The following CEACAM8 variants were observed in gnomAD, a reference collection of about 807,000 sequenced individuals.
CEACAM8 encodes cell adhesion molecule CEACAM8.
In CEACAM8, 31 loss-of-function variants were observed where a neutral mutation model predicts 33.4. That is an observed-to-expected ratio of 0.93 (90% CI 0.70 to 1.25). The LOEUF is 1.25. Among genes scored for constraint, CEACAM8 ranks in the 50% most tolerant of loss-of-function variants. The pLI is 0.00. For missense variants in CEACAM8, 388 were observed against 434.6 expected, an observed-to-expected ratio of 0.89 and a Z score of 0.95; for synonymous variants, 138 against 164.5, an observed-to-expected ratio of 0.84 and a Z score of 1.23.
Position 42,594,904 on chromosome 19 carries a change from C to T in CEACAM8, c.-76G>A. 1.4e-6 allele frequency: 2 copies of T among 1,481,224 alleles called. No individual in the cohort carries two copies. Among genetic ancestry groups the T allele is most frequent in the South Asian group, 1.2e-5 (1 of 80,906 alleles). 91.8% of individuals were successfully genotyped at this position (1,481,224 alleles called of 1,614,324 possible). ...GAAACTTTCTGAGCACGGCTGTCAGCTGTGCTGTCCTTCCTCCTTTTGTGC... is the reference window on the plus strand; with the variant it reads ...GAAACTTTCTGAGCACGGCTGTCAGTTGTGCTGTCCTTCCTCCTTTTGTGC... On this transcript the variant is annotated 5_prime_UTR_variant, in exon 1 of 6. Coordinates refer to ENST00000244336, the MANE Select transcript of CEACAM8 (RefSeq NM_001816.4).
At chr19:42,581,945 A>ATATATATG (rs1335031152) in intron 5 of CEACAM8, among the ~76,000 whole-genome samples, 1 of 131,240 alleles carries the variant, frequency 7.6e-6, no homozygotes, top group Non-Finnish European at 1.6e-5. Context: ...ATATATATAT[A>ATATATATG]TAAAATAAGG....
At chr19:42,585,862 T>G (rs1337733179) in intron 4 of CEACAM8, among the ~76,000 whole-genome samples, 2 of 152,106 alleles carry the variant, frequency 1.3e-5, no homozygotes, top group Non-Finnish European at 2.9e-5. Flanking sequence ...GAAAAAAACC[T>G]GTTAGAATTT....
chr19:42,594,220 G>T (rs141336665), intron 1 of CEACAM8, among the ~76,000 whole-genome samples: 304 of 152,270 alleles, frequency 2.0e-3, no homozygotes, highest in Middle Eastern at 0.014. Context: ...ACCTTTCCCT[G>T]CTGTGTTCCT....
rs756457917 is a variant in CEACAM8, at chr19:42,593,595, C to T, written c.370G>A (p.Val124Ile). Reference sequence around the variant, plus strand: ...TCACTCATAAGATTTAGCTTTATGACTTGTAGGGTGTAGGATCCTGTGTCA... The same window carrying T: ...TCACTCATAAGATTTAGCTTTATGATTTGTAGGGTGTAGGATCCTGTGTCA... ...RNDTGSYTLQ[V>I]IKLNLMSEEV... The change falls in exon 2 of 6, where the codon GTC (valine) becomes ATC (isoleucine). Residue 124 changes from valine to isoleucine, a missense_variant. Coordinates refer to ENST00000244336, the MANE Select transcript of CEACAM8 (RefSeq NM_001816.4). 1 of 1,606,510 alleles carries T rather than the reference C, an allele frequency of 6.2e-7. No individual in the cohort carries two copies. The highest frequency in any genetic ancestry group is 8.5e-7 in the Non-Finnish European group (1 of 1,175,812).
intron 4 of CEACAM8, among the ~76,000 whole-genome samples, chr19:42,583,602 T>C (rs2042288725): frequency 6.6e-6 from 1 of 152,244 alleles, no homozygotes; most frequent in Admixed American, 6.5e-5. Context: ...GGCTTTGTGA[T>C]GTGAAAAAGC....
chr19:42,581,944 T>TATATATAC (rs2042267891), intron 5 of CEACAM8, among the ~76,000 whole-genome samples: 1 of 101,068 alleles, frequency 9.9e-6, no homozygotes, highest in East Asian at 2.7e-4. Context: ...TATATATATA[T>TATATATAC]ATAAAATAAG....
chr19:42,582,655 T>A (rs1310845754), intron 5 of CEACAM8, among the ~76,000 whole-genome samples: 1 of 152,002 alleles, frequency 6.6e-6, no homozygotes, highest in African/African-American at 2.4e-5. Flanking sequence ...GTATATGGGG[T>A]AGATGCGCAG....
At chr19:42,586,254 T>C (rs45594936) in intron 4 of CEACAM8, among the ~76,000 whole-genome samples, 1 of 152,040 alleles carries the variant, frequency 6.6e-6, no homozygotes, top group Non-Finnish European at 1.5e-5. Flanking sequence ...CTAAAGTTCA[T>C]ATGGAATTTC....
chr19:42,587,674 G>T (rs1233199989), intron 4 of CEACAM8, among the ~76,000 whole-genome samples: 1 of 152,160 alleles, frequency 6.6e-6, no homozygotes, highest in Non-Finnish European at 1.5e-5. Context: ...AATGGATGGT[G>T]GTGATGGTTA....
intron 4 of CEACAM8, among the ~76,000 whole-genome samples, chr19:42,583,907 A>T (rs892565230): frequency 7.2e-5 from 11 of 152,206 alleles, no homozygotes; most frequent in Admixed American, 3.9e-4. Flanking sequence ...ACTGCTATCT[A>T]AAACTTCTTT....
intron 4 of CEACAM8, among the ~76,000 whole-genome samples, chr19:42,586,523 T>C (rs1275669871): frequency 1.3e-5 from 2 of 152,194 alleles, no homozygotes; most frequent in African/African-American, 4.8e-5. Flanking sequence ...TTGGGAAAGC[T>C]GGAAATCCAT....
rs1283349983 is a variant in CEACAM8, at chr19:42,583,264, G to T, written c.1032C>A (p.Ala344=). ...AGAGCTACTATATCAGAGCCACCCT[G>T]GCCAGTACTCCAATCATGATGCTGA... ...ATVSIMIGVL[A]RVALI Residue 344 remains alanine, a synonymous_variant, in exon 5 of 6, where the codon GCC becomes GCA. Transcript: ENST00000244336. 6.2e-7 allele frequency: 1 copy of T among 1,611,210 alleles called. No homozygotes were observed. Among genetic ancestry groups the T allele is most frequent in the Non-Finnish European group, 8.5e-7 (1 of 1,177,600 alleles).
intron 4 of CEACAM8, among the ~76,000 whole-genome samples, chr19:42,586,430 G>C (rs1385857090): frequency 6.6e-6 from 1 of 152,210 alleles, no homozygotes; most frequent in African/African-American, 2.4e-5. Context: ...AGAAAGGAAT[G>C]CTTGCATATA....
chr19:42,587,951 T>C (rs771675235), intron 4 of CEACAM8, among the ~76,000 whole-genome samples: 1 of 152,234 alleles, frequency 6.6e-6, no homozygotes, highest in Non-Finnish European at 1.5e-5. Flanking sequence ...TGAGCCGAGA[T>C]AGTGCCATTG....
intron 4 of CEACAM8, among the ~76,000 whole-genome samples, chr19:42,586,093 G>A (rs530102057): frequency 1.8e-4 from 28 of 152,126 alleles, no homozygotes; most frequent in Middle Eastern, 6.8e-3. Flanking sequence ...AATTAAATAC[G>A]ACCTCAAAAA....
chr19:42,583,984 C>A (rs34786088), intron 4 of CEACAM8, among the ~76,000 whole-genome samples: 6,405 of 152,262 alleles, frequency 0.042, 221 homozygotes, highest in African/African-American at 0.089. Flanking sequence ...TCCTCTCACA[C>A]CTGCCCCATT....
chr19:42,590,468 C>CG (rs903830547), intron 2 of CEACAM8, among the ~76,000 whole-genome samples: 1 of 152,158 alleles, frequency 6.6e-6, no homozygotes. Flanking sequence ...TCTTTCCCTG[C>CG]GGGGGGCAGA....
intron 2 of CEACAM8, among the ~76,000 whole-genome samples, chr19:42,592,035 G>C (rs1240822561): frequency 6.6e-6 from 1 of 152,194 alleles, no homozygotes; most frequent in Admixed American, 6.5e-5. Flanking sequence ...GACAGTTGGG[G>C]CAGGTGATTT....
chr19:42,588,221 C>T (rs1210602686), intron 4 of CEACAM8, among the ~76,000 whole-genome samples: 1 of 152,132 alleles, frequency 6.6e-6, no homozygotes, highest in Non-Finnish European at 1.5e-5. Context: ...TGGGATAGGC[C>T]ACCTGAGCAC....
Sources: allele counts gnomAD v4.1 joint callset (sites outside exome capture counted in the v4.1 genomes callset), GRCh38; gene constraint gnomAD v4.1.1; transcripts MANE v1.5; gene names NCBI Gene and HGNC (gene_info 2026-07-23, HGNC 2026-07-21).